FANCC: variants seen among roughly 807,000 people sequenced by gnomAD.
The protein encoded by FANCC is FA complementation group C.
A neutral mutation model predicts 71.3 loss-of-function variants in FANCC; 55 were observed. The ratio of observed to expected loss-of-function variants is 0.77; its 90% CI spans 0.62 to 0.97. FANCC has a LOEUF of 0.97. Among genes scored for constraint, FANCC ranks in the 50% least tolerant of loss-of-function variants. The pLI, the probability that FANCC is intolerant of heterozygous loss-of-function variation, is 0.00. For synonymous variants in FANCC, 275 were observed against 244.9 expected (o/e 1.12, Z -1.15); for missense variants, 678 against 670.9 (o/e 1.01, Z -0.12).
intron 4 of FANCC, among the ~76,000 whole-genome samples, chr9:95,182,317 G>A (rs531862403): frequency 6.6e-6 from 1 of 151,874 alleles, no homozygotes; most frequent in South Asian, 2.1e-4. Flanking sequence ...TCAGGAGATC[G>A]AGACCATCCT....
intron 1 of FANCC, among the ~76,000 whole-genome samples, chr9:95,301,724 G>A (rs1485179252): frequency 6.6e-6 from 1 of 151,902 alleles, no homozygotes; most frequent in Non-Finnish European, 1.5e-5. Flanking sequence ...TGTTGTTGTT[G>A]CATTTTTTCC....
At chr9:95,135,952 C>G (rs1252905586) in intron 7 of FANCC, among the ~76,000 whole-genome samples, 1 of 152,198 alleles carries the variant, frequency 6.6e-6, no homozygotes, top group Non-Finnish European at 1.5e-5. Context: ...AAGTTAACCT[C>G]AGTTTATTCA....
chr9:95,269,220 T>C (rs2136208116), intron 1 of FANCC, among the ~76,000 whole-genome samples: 1 of 152,322 alleles, frequency 6.6e-6, no homozygotes, highest in East Asian at 1.9e-4. Context: ...TAGATCCCTC[T>C]TCCCCTACCT....
chr9:95,301,250 T>C (rs1834714791), intron 1 of FANCC, among the ~76,000 whole-genome samples: 1 of 151,898 alleles, frequency 6.6e-6, no homozygotes, highest in South Asian at 2.1e-4. Flanking sequence ...ATGAAGAATA[T>C]TCCTGACTGA....
At chr9:95,104,680 A>G (rs2134420410) in intron 14 of FANCC, among the ~76,000 whole-genome samples, 1 of 152,306 alleles carries the variant, frequency 6.6e-6, no homozygotes, top group African/African-American at 2.4e-5. Context: ...GGGTGTCTCT[A>G]GGGTGCTTGC....
At chr9:95,234,809 G>A (rs1830204903) in intron 4 of FANCC, among the ~76,000 whole-genome samples, 1 of 152,168 alleles carries the variant, frequency 6.6e-6, no homozygotes, top group African/African-American at 2.4e-5. Context: ...AAGGCCAGCA[G>A]GCTTTAGACC....
intron 1 of FANCC, among the ~76,000 whole-genome samples, chr9:95,275,913 TA>T (rs1390149601): frequency 2.0e-5 from 3 of 152,026 alleles, no homozygotes; most frequent in Non-Finnish European, 4.4e-5. Context: ...GGATCATAAA[TA>T]GCAGGAGCAG....
At chr9:95,231,538 T>C (rs1830011137) in intron 4 of FANCC, among the ~76,000 whole-genome samples, 1 of 152,154 alleles carries the variant, frequency 6.6e-6, no homozygotes, top group Non-Finnish European at 1.5e-5. Context: ...TGTCTCCCCA[T>C]TTTCTTCCTT....
At chr9:95,317,426 C>A (rs1018639871) in intron 1 of FANCC, 100 bp downstream of exon 1, 1 of 152,882 alleles carries the variant, frequency 6.5e-6, no homozygotes, top group Non-Finnish European at 1.5e-5. Context: ...AGCCTTCCCT[C>A]TTGCCCCTCG....
rs796930684 is a variant in FANCC, at chr9:95,100,222, C to T, written c.*1485G>A. ...GAAGCATGTTATATGAAGGCAATGA[C>T]CATGAGCACGAAGCATGTTATATGA... On this transcript the variant is annotated 3_prime_UTR_variant, in exon 15 of 15. Transcript: ENST00000289081. 7 of 223,076 alleles carry T rather than the reference C, an allele frequency of 3.1e-5. No individual in the cohort carries two copies. In the South Asian group the frequency reaches 1.1e-3, roughly 35 times the overall value. The allele number at this position is 223,076 out of a possible 1,614,324, so 13.8% of individuals were successfully genotyped here.
At chr9:95,216,779 C>T (rs1793232437) in intron 4 of FANCC, among the ~76,000 whole-genome samples, 1 of 152,132 alleles carries the variant, frequency 6.6e-6, no homozygotes, top group South Asian at 2.1e-4. Context: ...CTTCTGGGAC[C>T]AGAGGAGCAG....
chr9:95,291,870 C>T (rs544051565), intron 1 of FANCC, among the ~76,000 whole-genome samples: 56 of 146,460 alleles, frequency 3.8e-4, no homozygotes, highest in African/African-American at 1.2e-3. Context: ...ATCTCTTGAA[C>T]CCAGGAGGTG....
intron 10 of FANCC, among the ~76,000 whole-genome samples, chr9:95,117,914 G>A (rs977642043): frequency 6.6e-6 from 1 of 152,128 alleles, no homozygotes. Flanking sequence ...TAGAGACAGA[G>A]TTTCTCCATG....
chr9:95,305,753 C>T (rs894092729), intron 1 of FANCC, among the ~76,000 whole-genome samples: 2 of 152,062 alleles, frequency 1.3e-5, no homozygotes, highest in African/African-American at 4.8e-5. Context: ...AAAAGACACG[C>T]CATACTTCAG....
intron 6 of FANCC, among the ~76,000 whole-genome samples, chr9:95,151,380 A>G (rs901731910): frequency 6.6e-5 from 10 of 152,232 alleles, no homozygotes; most frequent in South Asian, 2.1e-4. Flanking sequence ...AGGTATTTTC[A>G]TATGTAATTG....
intron 1 of FANCC, among the ~76,000 whole-genome samples, chr9:95,256,276 T>G (rs1317404204): frequency 6.6e-6 from 1 of 152,130 alleles, no homozygotes; most frequent in African/African-American, 2.4e-5. Context: ...GAAAAAATGT[T>G]AAGGGCAGTC....
chr9:95,220,921 C>T lies in FANCC; in HGVS notation c.345+19728G>A, dbSNP rs1252766193. On this transcript the variant is annotated intron_variant, in intron 4 of 14. Coordinates refer to ENST00000289081, the MANE Select transcript of FANCC (RefSeq NM_000136.3). ...TAAAAGAAATACAGGTTTGAACTTACTAGACAAAGACTTTTAAAAAACTGT... is the reference window on the plus strand; with the variant it reads ...TAAAAGAAATACAGGTTTGAACTTATTAGACAAAGACTTTTAAAAAACTGT... Among the ~76,000 whole-genome samples the T allele has an allele frequency of 2.6e-5, 4 of 151,864 alleles. No homozygotes were observed. In the East Asian group the frequency reaches 7.7e-4, roughly 29 times the overall value.
At chr9:95,137,633 T>C (rs1160767499) in intron 7 of FANCC, among the ~76,000 whole-genome samples, 1 of 152,184 alleles carries the variant, frequency 6.6e-6, no homozygotes, top group African/African-American at 2.4e-5. Context: ...TTGGAGTGTC[T>C]GAGGCACAAC....
chr9:95,114,567 C>T (rs1267198513), intron 12 of FANCC, 62 bp downstream of exon 12: 2 of 1,411,014 alleles, frequency 1.4e-6, no homozygotes, highest in Middle Eastern at 1.8e-4. Flanking sequence ...GCTCAAAGGG[C>T]AGATGAGGAT....
Sources: allele counts gnomAD v4.1 joint callset (sites outside exome capture counted in the v4.1 genomes callset), GRCh38; gene constraint gnomAD v4.1.1; transcripts MANE v1.5; gene names NCBI Gene and HGNC (gene_info 2026-07-23, HGNC 2026-07-21).